Variants in MZT2B observed in about 807,000 individuals in gnomAD.
MZT2B encodes the protein mitotic spindle organizing protein 2B, also known as mitotic-spindle organizing protein 2B.
In MZT2B, 11 loss-of-function variants were observed where a neutral mutation model predicts 12.1. The ratio of observed to expected loss-of-function variants is 0.91; its 90% CI spans 0.57 to 1.50. The LOEUF is 1.50. MZT2B is among the 40% of genes most tolerant of loss of function. MZT2B has a pLI of 0.00. For missense variants in MZT2B, 209 were observed against 227.7 expected (o/e 0.92, Z 0.53); for synonymous variants, 85 against 109.5 (o/e 0.78, Z 1.40).
At chr2:130,201,595 G>A in the MZT2B span, among the ~76,000 whole-genome samples, 791 of 152,256 alleles carry the variant, frequency 5.2e-3, 8 homozygotes, top group Middle Eastern at 0.031. Context: ...GGCGGGGGGG[G>A]ACACCATTCA....
At chr2:130,189,916 A>G (rs551773227) in intron 2 of MZT2B, among the ~76,000 whole-genome samples, 31 of 152,340 alleles carry the variant, frequency 2.0e-4, no homozygotes, top group Non-Finnish European at 3.8e-4. Context: ...AGGCTTGACC[A>G]CTGCAGAACA....
chr2:130,185,057 C>T (rs992546186), intron 2 of MZT2B: 2 of 227,732 alleles, frequency 8.8e-6, no homozygotes, highest in Admixed American at 6.5e-5. Context: ...CGCCTGTAAT[C>T]CCAGCACTTT....
chr2:130,199,956 T>C, the MZT2B span, among the ~76,000 whole-genome samples: 40 of 151,146 alleles, frequency 2.6e-4, no homozygotes, highest in East Asian at 4.5e-3. Flanking sequence ...ATTAGCCAGG[T>C]ATGGTGGTGA....
chr2:130,181,656 C>T, upstream of MZT2B: 1 of 1,551,648 alleles, frequency 6.4e-7, no homozygotes, highest in East Asian at 2.4e-5. Context: ...GCTTCCACCT[C>T]TTTGGGCCGT....
chr2:130,192,257 C>T (rs1457150997), downstream of MZT2B: 1 of 1,306,938 alleles, frequency 7.7e-7, no homozygotes, highest in African/African-American at 1.5e-5. Flanking sequence ...ACAAACGTCA[C>T]TAAGCCCTTC....
At chr2:130,183,058 C>T in intron 2 of MZT2B, 1 of 558,156 alleles carries the variant, frequency 1.8e-6, no homozygotes, top group Non-Finnish European at 3.1e-6. Context: ...AGGCCTTCAT[C>T]CTACAACGTC....
downstream of MZT2B, chr2:130,193,821 T>C (rs758084554): frequency 6.2e-7 from 1 of 1,613,220 alleles, no homozygotes; most frequent in African/African-American, 1.3e-5. Flanking sequence ...ACAAACTGGA[T>C]AGTGCGCTTG....
downstream of MZT2B, chr2:130,194,499 C>T (rs182062496): frequency 3.4e-5 from 51 of 1,519,918 alleles, no homozygotes; most frequent in African/African-American, 4.0e-4. Flanking sequence ...AGCCAATGCC[C>T]GTGGAAGCCA....
chr2:130,192,638 G>A (rs916236484), downstream of MZT2B, among the ~76,000 whole-genome samples: 1 of 152,198 alleles, frequency 6.6e-6, no homozygotes, highest in Non-Finnish European at 1.5e-5. Context: ...AGCAGGAAGT[G>A]GTCGAAGTGG....
At chr2:130,187,266 C>G (rs1407355725) in intron 2 of MZT2B, among the ~76,000 whole-genome samples, 1 of 152,104 alleles carries the variant, frequency 6.6e-6, no homozygotes, top group African/African-American at 2.4e-5. Context: ...TCATAGCTCA[C>G]TGCAGCTTCA....
intron 2 of MZT2B, among the ~76,000 whole-genome samples, chr2:130,185,948 T>TA (rs1453170332): frequency 2.0e-5 from 3 of 151,730 alleles, no homozygotes; most frequent in Admixed American, 6.6e-5. Context: ...CCTGTGGAGA[T>TA]AGAGTGGAAC....
chr2:130,194,500 G>A (rs2463341), downstream of MZT2B: 95 of 1,519,496 alleles, frequency 6.3e-5, no homozygotes, highest in Middle Eastern at 2.1e-4. Flanking sequence ...GCCAATGCCC[G>A]TGGAAGCCAC....
chr2:130,187,061 G>C (rs76995463), intron 2 of MZT2B, among the ~76,000 whole-genome samples: 55,171 of 141,428 alleles, frequency 0.39, 11,394 homozygotes, highest in Admixed American at 0.46. Context: ...TTTCTACAAA[G>C]AAACAAGAAA....
At chr2:130,201,086 G>A in the MZT2B span, among the ~76,000 whole-genome samples, 1 of 152,266 alleles carries the variant, frequency 6.6e-6, no homozygotes, top group African/African-American at 2.4e-5. Context: ...AGCTCCCCCA[G>A]TGGGATGGGA....
chr2:130,195,412 A>G (rs7426284), downstream of MZT2B, among the ~76,000 whole-genome samples: 4,136 of 152,308 alleles, frequency 0.027, 153 homozygotes, highest in African/African-American at 0.087. Context: ...TGCATATGCA[A>G]TTTATGACTC....
the MZT2B span, among the ~76,000 whole-genome samples, chr2:130,201,588 G>A: frequency 2.1e-5 from 3 of 140,158 alleles, no homozygotes; most frequent in African/African-American, 2.9e-5. Context: ...TAATATTGGC[G>A]GGGGGGGACA....
At chr2:130,185,935 G>T (rs1690043548) in intron 2 of MZT2B, among the ~76,000 whole-genome samples, 1 of 152,114 alleles carries the variant, frequency 6.6e-6, no homozygotes, top group Non-Finnish European at 1.5e-5. Flanking sequence ...AGGGCACCGA[G>T]GCCCTGTGGA....
chr2:130,182,165 C>G, upstream of MZT2B: 2 of 1,265,070 alleles, frequency 1.6e-6, no homozygotes, highest in South Asian at 4.5e-5. Context: ...CCCGCGCTCC[C>G]GCCCCTCCCG....
chr2:130,188,789 G>A (rs1215875252), intron 2 of MZT2B, among the ~76,000 whole-genome samples: 3 of 152,088 alleles, frequency 2.0e-5, no homozygotes, highest in Admixed American at 6.6e-5. Context: ...GGAGCTGGAG[G>A]TACCTCTGGA....
Sources: gnomAD v4.1 joint callset for allele counts (sites outside exome capture counted in the v4.1 genomes callset) on GRCh38, gnomAD v4.1.1 for gene constraint, MANE v1.5 for transcripts, NCBI Gene and HGNC (gene_info 2026-07-23, HGNC 2026-07-21) for gene names.